The following DOC2A variants were observed in gnomAD, a reference collection of about 807,000 sequenced individuals.
DOC2A encodes double C2 domain alpha, also known as double C2-like domain-containing protein alpha.
Under a neutral mutation model 40.6 loss-of-function variants are expected in DOC2A, and 28 were observed. The ratio of observed to expected loss-of-function variants is 0.69; its 90% CI spans 0.51 to 0.95. DOC2A has a LOEUF of 0.95. Ranked by LOEUF, DOC2A falls within the 40% of genes least tolerant of loss-of-function variation. The probability of loss-of-function intolerance (pLI) is 0.00; values close to 1 mark genes in which losing one functional copy is unlikely to be tolerated. For missense variants in DOC2A, 474 were observed against 552.5 expected (o/e 0.86, Z 1.42); for synonymous variants, 241 against 236.9 (o/e 1.02, Z -0.16).
chr16:30,021,569 T>C (rs926095064), upstream of DOC2A: 3 of 152,142 alleles, frequency 2.0e-5, no homozygotes, highest in Non-Finnish European at 4.4e-5. Flanking sequence ...GCCGAGGGAC[T>C]TCCTCTGACC....
Position 30,007,066 on chromosome 16 carries a change from C to T in DOC2A, c.679G>A (p.Ala227Thr). Residue 227 changes from alanine (A) to threonine (T), a missense_variant, in exon 7 of 11, where the codon GCG (alanine) becomes ACG (threonine). Ala to Thr is a moderately conservative substitution (Grantham distance 58). Coordinates refer to ENST00000350119, the MANE Select transcript of DOC2A (RefSeq NM_003586.3). ...VPLASPSSMS[A>T]ALRGISCYLK... is the part of the protein sequence containing the mutation. ...TAACAGGAGATGCCCCTCAGCGCCG[C>T]TGACATGGAAGAGGGGGACGCCAGC... 6.2e-7 allele frequency: 1 copy of T among 1,614,046 alleles called. No individual in the cohort carries two copies. Among genetic ancestry groups the T allele is most frequent in the South Asian group, 1.1e-5 (1 of 91,074 alleles).
rs2070636661 is a variant in DOC2A at position 30,007,153 on chromosome 16, C to T, written c.654+20G>A. ...CCCCAGGGCCCCCTCCCCTGGCGCC[C>T]CTGCAGCCCCCACACAGACCGGGAC... On this transcript the variant is annotated intron_variant, in intron 6 of 10. Transcript: ENST00000350119. The T allele has an allele frequency of 1.9e-6, 3 of 1,613,852 alleles. No individual in the cohort carries two copies. Among genetic ancestry groups the T allele is most frequent in the Non-Finnish European group, 2.5e-6 (3 of 1,179,940 alleles).
chr16:30,011,504 A>C (rs2070779681), upstream of DOC2A: 1 of 750,630 alleles, frequency 1.3e-6, no homozygotes, highest in Non-Finnish European at 1.6e-6. Flanking sequence ...CCAAGGCCGG[A>C]CCACCGGCCT....
At chr16:30,008,931 A>C (rs1039774115) in intron 5 of DOC2A, 65 bp downstream of exon 5, 1 of 1,117,064 alleles carries the variant, frequency 9.0e-7, no homozygotes, top group Non-Finnish European at 1.4e-6. Context: ...TAGATCAACC[A>C]ACCAGCGGTT....
Position 30,005,701 on chromosome 16 carries a change from G to A in DOC2A, c.*485C>T. 1.8e-6 allele frequency: 1 copy of A among 545,502 alleles called. No homozygotes were observed. Among genetic ancestry groups the A allele is most frequent in the Non-Finnish European group, 3.2e-6 (1 of 312,386 alleles). The allele number at this position is 545,502 out of a possible 1,614,324, so 33.8% of individuals were successfully genotyped here. On this transcript the variant is annotated 3_prime_UTR_variant, in exon 11 of 11. Coordinates refer to ENST00000350119, the MANE Select transcript of DOC2A (RefSeq NM_003586.3). Reference sequence around the variant, plus strand: ...GCATCTGCCACCTGCTGGGGAGGCAGAGACCCTGCAATGGCCACCTCTTTA... The same window carrying A: ...GCATCTGCCACCTGCTGGGGAGGCAAAGACCCTGCAATGGCCACCTCTTTA...
intron 5 of DOC2A, 54 bp downstream of exon 5, chr16:30,008,942 A>G (rs1481204655): frequency 1.7e-6 from 2 of 1,212,028 alleles, no homozygotes; most frequent in Non-Finnish European, 2.5e-6. Flanking sequence ...ACCAGCGGTT[A>G]CAATGTCAGC....
upstream of DOC2A, chr16:30,011,610 A>C (rs1194884742): frequency 3.0e-5 from 4 of 134,040 alleles, no homozygotes; most frequent in Non-Finnish European, 3.1e-5. Flanking sequence ...TCCCTTCCCC[A>C]CGTCCGTAGG....
Position 30,009,544 on chromosome 16 carries a change from C to T in DOC2A, c.276G>A (p.Thr92=), listed in dbSNP as rs552369466. The change falls in exon 3 of 11, where the codon ACG becomes ACA. Residue 92 remains threonine, a synonymous_variant. Transcript: ENST00000350119. The surrounding 1 kb of genome is among the most constrained non-coding windows in gnomAD (Gnocchi z 4.1). ...YDSDDATALG[T]LEFDLLYDRA... is the part of the protein sequence containing the mutation. ...GGTCGTAGAGAAGGTCAAACTCCAG[C>T]GTGCCTAGGGCGGCTGGAGAGAGAG... 1.2e-5 allele frequency: 18 copies of T among 1,551,206 alleles called. 1 individual carries two copies. Among genetic ancestry groups the T allele is most frequent in the East Asian group, 2.4e-5 (1 of 40,916 alleles).
upstream of DOC2A, among the ~76,000 whole-genome samples, chr16:30,017,278 CAA>C (rs34047589): frequency 1.2e-3 from 156 of 124,952 alleles, no homozygotes; most frequent in South Asian, 2.3e-3. Flanking sequence ...GACCCTGTCT[CAA>C]AAAAAAAAAA....
In DOC2A at chr16:30,009,671, G is replaced by C. The variant is rs1241021221; in HGVS notation, c.263-114C>G. 9 of 1,068,054 alleles carry C rather than the reference G, an allele frequency of 8.4e-6. No homozygotes were observed. Among genetic ancestry groups the C allele is most frequent in the Non-Finnish European group, 1.1e-5 (8 of 718,520 alleles). 66.2% of individuals were successfully genotyped at this position (1,068,054 alleles called of 1,614,324 possible). A position where few individuals can be genotyped will look rare whatever the true frequency, so the allele number is the denominator to read the frequency against. ...CTCTCTTGCCAGCCCGCGAGTGTGA[G>C]TGCAAGAGGCTGAGTGGGCCCATGC... is the stretch of plus-strand genomic sequence containing the variant. On this transcript the variant is annotated intron_variant, in intron 2 of 10. Coordinates refer to ENST00000350119, the MANE Select transcript of DOC2A (RefSeq NM_003586.3). This position sits in a 1 kb window ranked among gnomAD's most constrained non-coding sequence, Gnocchi z 4.1.
At position 30,005,821 on chromosome 16, in the gene DOC2A, T is replaced by C; in HGVS notation, c.*365A>G. 1 of 447,984 alleles carries C rather than the reference T, an allele frequency of 2.2e-6. No individual in the cohort carries two copies. The highest frequency in any genetic ancestry group is 4.0e-6 in the Non-Finnish European group (1 of 250,614). 27.8% of individuals were successfully genotyped at this position (447,984 alleles called of 1,614,324 possible). On this transcript the variant is annotated 3_prime_UTR_variant, in exon 11 of 11. Coordinates refer to ENST00000350119, the MANE Select transcript of DOC2A (RefSeq NM_003586.3). ...TTTTTTGTCCTTTTTTTTTGAGACA[T>C]TCTCCTCCTCTGAACCTCCCCTAAT...
chr16:30,010,371 C>T lies in DOC2A; in HGVS notation c.-13-136G>A, dbSNP rs1261981408. 1.6e-6 allele frequency: 2 copies of T among 1,243,860 alleles called. No individual in the cohort carries two copies. Among genetic ancestry groups the T allele is most frequent in the African/African-American group, 1.5e-5 (1 of 67,450 alleles). The allele number at this position is 1,243,860 out of a possible 1,614,324, so 77.1% of individuals were successfully genotyped here. ...TGTCGAGGGAGAGGGTGGTGTGTGCCAGCCGGTGGCAGGTGGGAGGCCTGG... is the reference window on the plus strand; with the variant it reads ...TGTCGAGGGAGAGGGTGGTGTGTGCTAGCCGGTGGCAGGTGGGAGGCCTGG... On this transcript the variant is annotated intron_variant, in intron 1 of 10. Transcript: ENST00000350119. The surrounding 1 kb of genome is among the most constrained non-coding windows in gnomAD (Gnocchi z 4.2).
chr16:30,010,927 C>A lies in DOC2A; in HGVS notation c.-38G>T. The A allele has an allele frequency of 3.0e-6, 3 of 1,015,832 alleles. No homozygotes were observed. The highest frequency in any genetic ancestry group is 3.5e-6 in the Non-Finnish European group (3 of 847,992). 62.9% of individuals were successfully genotyped at this position (1,015,832 alleles called of 1,614,324 possible). Reference sequence around the variant, plus strand: ...CCTCTGCCTCCAACAGGTGCCCAGGCACTGGGGGGACGGCGGGCGCAGGCT... The same window carrying A: ...CCTCTGCCTCCAACAGGTGCCCAGGAACTGGGGGGACGGCGGGCGCAGGCT... On this transcript the variant is annotated 5_prime_UTR_variant, in exon 1 of 11. Coordinates refer to ENST00000350119, the MANE Select transcript of DOC2A (RefSeq NM_003586.3). This position sits in a 1 kb window ranked among gnomAD's most constrained non-coding sequence, Gnocchi z 4.2.
rs1237740510 is a variant in DOC2A, at chr16:30,009,076, C to T, written c.447G>A (p.Arg149=). 3 of 1,614,024 alleles carry T rather than the reference C, an allele frequency of 1.9e-6. No homozygotes were observed. Among genetic ancestry groups the T allele is most frequent in the Middle Eastern group, 1.7e-4 (1 of 6,040 alleles). The change falls in exon 5 of 11, where the codon AGG becomes AGA. Residue 149 remains arginine, a synonymous_variant. Transcript: ENST00000350119. This position sits in a 1 kb window ranked among gnomAD's most constrained non-coding sequence, Gnocchi z 4.1. ...KANKLKTKTQ[R]NTLNPVWNED... Reference sequence around the variant, plus strand: ...CATTCCACACGGGATTCAGTGTGTTCCTCTGAGTCTTCGTTTTTAGCTTAT... The same window carrying T: ...CATTCCACACGGGATTCAGTGTGTTTCTCTGAGTCTTCGTTTTTAGCTTAT...
rs1188309536 is a variant in DOC2A at position 30,006,423 on chromosome 16, A to G, written c.1047T>C (p.Asn349=). 1 of 1,613,272 alleles carries G rather than the reference A, an allele frequency of 6.2e-7. No individual in the cohort carries two copies. The highest frequency in any genetic ancestry group is 8.5e-7 in the Non-Finnish European group (1 of 1,179,862). The change falls in exon 10 of 11, where the codon AAT becomes AAC. Residue 349 remains asparagine (N), a synonymous_variant. Coordinates refer to ENST00000350119, the MANE Select transcript of DOC2A (RefSeq NM_003586.3). The surrounding 1 kb of genome is among the most constrained non-coding windows in gnomAD (Gnocchi z 6.2). The part of the protein sequence containing the change: ...TVWDYDIGKS[N]DFIGGVSLGP... ...CAGCTCCTCCCTCACCAATGAAGTC[A>G]TTGGATTTGCCAATGTCATAGTCCC...
At chr16:30,011,081 G>A, upstream of DOC2A, 1 of 970,302 alleles carries the variant, frequency 1.0e-6, no homozygotes, top group African/African-American at 1.8e-5. Flanking sequence ...CGCGGCGGCG[G>A]GGGACGGGGA....
At chr16:30,014,344 G>A (rs949920733), upstream of DOC2A, among the ~76,000 whole-genome samples, 1 of 150,950 alleles carries the variant, frequency 6.6e-6, no homozygotes, top group African/African-American at 2.4e-5. Flanking sequence ...ACTTAGAAAA[G>A]CCAAGTGCAG....
Position 30,009,944 on chromosome 16 carries a change from C to G in DOC2A, c.262+17G>C, listed in dbSNP as rs1469624548. On this transcript the variant is annotated intron_variant, in intron 2 of 10. Coordinates refer to ENST00000350119, the MANE Select transcript of DOC2A (RefSeq NM_003586.3). The surrounding 1 kb of genome is among the most constrained non-coding windows in gnomAD (Gnocchi z 4.1). ...GACCCCCACCAGCACATGGGGCCTCCAAGCCCCCAGACTCACTGGCATCAT... is the reference window on the plus strand; with the variant it reads ...GACCCCCACCAGCACATGGGGCCTCGAAGCCCCCAGACTCACTGGCATCAT... The G allele has an allele frequency of 1.9e-6, 3 of 1,610,898 alleles. No individual in the cohort carries two copies. The highest frequency in any genetic ancestry group is 1.7e-5 in the Admixed American group (1 of 60,020).
chr16:30,007,790 C>T (rs1049732803), intron 5 of DOC2A: 4 of 244,906 alleles, frequency 1.6e-5, no homozygotes, highest in South Asian at 5.2e-5. Context: ...GCCCTGCCTC[C>T]GCAGTGACCC....
Sources: allele counts gnomAD v4.1 joint callset (sites outside exome capture counted in the v4.1 genomes callset), GRCh38; gene constraint gnomAD v4.1.1; non-coding constraint Gnocchi (gnomAD v3.1); transcripts MANE v1.5; gene names NCBI Gene and HGNC (gene_info 2026-07-23, HGNC 2026-07-21).